Variants in CACNA1E observed in about 807,000 individuals in gnomAD.
CACNA1E encodes calcium voltage-gated channel subunit alpha1 E.
A neutral mutation model predicts 259.2 loss-of-function variants in CACNA1E; 40 were observed. The observed-to-expected ratio is 0.15, with a 90% CI of 0.12 to 0.20. The LOEUF (loss-of-function observed/expected upper bound fraction) is 0.20, where lower values mean the gene tolerates loss of function less well. CACNA1E is among the 10% of genes least tolerant of loss of function. The probability of loss-of-function intolerance (pLI) is 1.00; values close to 1 mark genes in which losing one functional copy is unlikely to be tolerated. For missense variants in CACNA1E, 1,874 were observed against 3,040.1 expected (o/e 0.62, Z 9.02); for synonymous variants, 1,104 against 1,138.5 (o/e 0.97, Z 0.61).
chr1:181,750,372 C>T, intron 25 of CACNA1E, 104 bp from the exon 26 acceptor site: 2 of 965,664 alleles, frequency 2.1e-6, no homozygotes, highest in Non-Finnish European at 3.2e-6. Context: ...GTTCTCTTTT[C>T]TCCCTGAAGT....
At chr1:181,426,281 A>C (rs1659192537) in intron 2 of CACNA1E, among the ~76,000 whole-genome samples, 1 of 150,954 alleles carries the variant, frequency 6.6e-6, no homozygotes, top group Non-Finnish European at 1.5e-5. Context: ...CATTTCAGCC[A>C]CTATCCGTCT....
intron 2 of CACNA1E, among the ~76,000 whole-genome samples, chr1:181,470,355 ATTTATT>A (rs1438571520): frequency 6.6e-6 from 1 of 151,922 alleles, no homozygotes; most frequent in Non-Finnish European, 1.5e-5. Flanking sequence ...CACTTGGCTA[ATTTATT>A]TTTATTTTTA....
intron 7 of CACNA1E, among the ~76,000 whole-genome samples, chr1:181,705,441 G>C (rs998016778): frequency 4.6e-5 from 7 of 152,234 alleles, no homozygotes; most frequent in African/African-American, 1.4e-4. Flanking sequence ...AAAGAAAACT[G>C]TGCTCAACCA....
intron 6 of CACNA1E, among the ~76,000 whole-genome samples, chr1:181,627,646 C>T (rs574085490): frequency 1.3e-5 from 2 of 152,266 alleles, no homozygotes; most frequent in African/African-American, 4.8e-5. Context: ...CACAGTGGTT[C>T]AGGGTAAGGG....
chr1:181,339,860 T>C (rs755221118), intron 1 of CACNA1E, among the ~76,000 whole-genome samples: 1 of 152,120 alleles, frequency 6.6e-6, no homozygotes, highest in African/African-American at 2.4e-5. Context: ...AATTAGACTT[T>C]TGTAGTAATT....
chr1:181,699,455 C>G (rs1023416978), intron 7 of CACNA1E, among the ~76,000 whole-genome samples: 1 of 152,072 alleles, frequency 6.6e-6, no homozygotes, highest in Non-Finnish European at 1.5e-5. Context: ...CGCCAGTGGT[C>G]GGGAAGAGAG....
At position 181,635,518 on chromosome 1, in the gene CACNA1E, T is replaced by C. The variant is rs143946268; in HGVS notation, c.952-15820T>C. On this transcript the variant is annotated intron_variant, in intron 6 of 47. Transcript: ENST00000367573. ...TACTCCTAGTTATGATACATCAATG[T>C]AGCAGCTAAAGCTACTCATGGTAGA... 2.2e-4 allele frequency among the ~76,000 whole-genome samples: 34 copies of C among 152,318 alleles called. 1 individual carries two copies. In the East Asian group the frequency reaches 6.6e-3, roughly 29 times the overall value.
intron 25 of CACNA1E, among the ~76,000 whole-genome samples, chr1:181,747,201 A>G (rs945306481): frequency 1.3e-5 from 2 of 152,224 alleles, no homozygotes; most frequent in African/African-American, 4.8e-5. Flanking sequence ...GGTAGGGCAG[A>G]AGGCCATGGC....
chr1:181,702,197 C>T (rs1243121438), intron 7 of CACNA1E, among the ~76,000 whole-genome samples: 1 of 152,106 alleles, frequency 6.6e-6, no homozygotes, highest in Non-Finnish European at 1.5e-5. Context: ...GTTTGTTTAA[C>T]TCCATTCTTC....
At chr1:181,455,966 G>C (rs555588260) in intron 2 of CACNA1E, among the ~76,000 whole-genome samples, 133 of 152,314 alleles carry the variant, frequency 8.7e-4, no homozygotes, top group African/African-American at 3.2e-3. Flanking sequence ...GCCTATGCCT[G>C]TGGGACTGAG....
chr1:181,370,708 C>T (rs1163162896), intron 1 of CACNA1E, among the ~76,000 whole-genome samples: 1 of 152,088 alleles, frequency 6.6e-6, no homozygotes, highest in Non-Finnish European at 1.5e-5. Context: ...GATTCCATGT[C>T]TTCACTATGG....
At chr1:181,745,306 G>A (rs1281901093) in intron 25 of CACNA1E, 1 of 463,072 alleles carries the variant, frequency 2.2e-6, no homozygotes, top group African/African-American at 2.0e-5. Flanking sequence ...ATCTTATGGA[G>A]GCAATGGGTG....
rs1403564452 is a variant in CACNA1E, at chr1:181,581,170, C to T, written c.951+394C>T. Among the ~76,000 whole-genome samples the T allele has an allele frequency of 4.6e-5, 7 of 151,948 alleles. 1 individual carries two copies. The East Asian group carries it at 9.6e-4, about 21-fold the overall frequency. ...GCCTTAAAAAATTTTATCACCCCCT[C>T]AGGATCTGGGAGAATTTACTAAAAA... On this transcript the variant is annotated intron_variant, in intron 6 of 47. Coordinates refer to ENST00000367573, the MANE Select transcript of CACNA1E (RefSeq NM_001205293.3).
chr1:181,483,785 C>G lies in CACNA1E; in HGVS notation c.41C>G (p.Ser14Cys), dbSNP rs1422179994. ...GAGGCGGTGGTCGCCAGGCCAGGGT[C>G]CGGCGATGGAGACTCGGACCAGAGC... Reference protein sequence around the residue: ...FGEAVVARPGSGDGDSDQSRN... With the variant: ...FGEAVVARPGCGDGDSDQSRN... The change falls in exon 1 of 48, where the codon TCC becomes TGC. Residue 14 changes from serine to cysteine, a missense_variant. Around this residue, in one of 14 missense-constraint regions of CACNA1E, gnomAD observed 110 missense variants for 122.8 expected, o/e 0.90. Transcript: ENST00000367573. 2 of 1,611,544 alleles carry G rather than the reference C, an allele frequency of 1.2e-6. No individual in the cohort carries two copies. The highest frequency in any genetic ancestry group is 2.2e-5 in the East Asian group (1 of 44,762).
chr1:181,451,563 T>A (rs1661159256), intron 2 of CACNA1E, among the ~76,000 whole-genome samples: 1 of 152,138 alleles, frequency 6.6e-6, no homozygotes, highest in African/African-American at 2.4e-5. Flanking sequence ...CGCATGCCTG[T>A]AGTCCCAGCT....
In CACNA1E at chr1:181,323,694, G is replaced by A. The variant is rs72729307; in HGVS notation, c.-15+5571G>A. 8.6e-3 allele frequency among the ~76,000 whole-genome samples: 1,307 copies of A among 152,364 alleles called. 11 individuals carry two copies. Among genetic ancestry groups the A allele is most frequent in the South Asian group, 0.016 (79 of 4,828 alleles). ...TCTGCTTCTGAAAAGAAGGTAAATT[G>A]AGTTACTCTTGACTTATTTAGTCCT... On this transcript the variant is annotated intron_variant, in intron 1 of 11. Coordinates refer to the CACNA1E transcript ENST00000524607.
intron 1 of CACNA1E, among the ~76,000 whole-genome samples, chr1:181,380,164 A>C (rs955676841): frequency 2.0e-5 from 3 of 151,796 alleles, no homozygotes; most frequent in African/African-American, 7.2e-5. Context: ...AGGCAGAAAA[A>C]GAGGAAAAAA....
chr1:181,569,041 G>T (rs7534818), intron 3 of CACNA1E, among the ~76,000 whole-genome samples: 15 of 152,148 alleles, frequency 9.9e-5, no homozygotes, highest in Non-Finnish European at 2.2e-4. Flanking sequence ...CTGCATCTGG[G>T]ATGTTCTTCC....
At chr1:181,466,277 T>G (rs1281086800) in intron 2 of CACNA1E, among the ~76,000 whole-genome samples, 1 of 152,156 alleles carries the variant, frequency 6.6e-6, no homozygotes, top group Non-Finnish European at 1.5e-5. Context: ...GCATGGTGGC[T>G]CATGCCTATA....
Sources: gnomAD v4.1 joint callset for allele counts (sites outside exome capture counted in the v4.1 genomes callset) on GRCh38, gnomAD v4.1.1 for gene constraint, gnomAD v4.1.1 regional missense constraint, MANE v1.5 for transcripts, NCBI Gene and HGNC (gene_info 2026-07-23, HGNC 2026-07-21) for gene names.